The following AGAP1 variants were observed in gnomAD, a reference collection of about 807,000 sequenced individuals.
The protein encoded by AGAP1 is arf-GAP with GTPase, ANK repeat and PH domain-containing protein 1.
In AGAP1, 29 loss-of-function variants were observed where a neutral mutation model predicts 105.3. That is an observed-to-expected ratio of 0.28 (90% CI 0.21 to 0.38). AGAP1 has a LOEUF of 0.38. Ranked by LOEUF, AGAP1 falls within the 10% of genes least tolerant of loss-of-function variation. The probability of loss-of-function intolerance (pLI) is 1.00; values close to 1 mark genes in which losing one functional copy is unlikely to be tolerated. For synonymous variants in AGAP1, 509 were observed against 485.9 expected, an observed-to-expected ratio of 1.05 and a Z score of -0.63; for missense variants, 998 against 1,165.1, an observed-to-expected ratio of 0.86 and a Z score of 2.09.
chr2:235,671,023 C>G, intron 1 of AGAP1: 1 of 1,308,736 alleles, frequency 7.6e-7, no homozygotes, highest in Non-Finnish European at 9.7e-7. Context: ...CGCACTCGTC[C>G]AGCGCCGAGA....
Position 235,752,667 on chromosome 2 carries a change from T to A in AGAP1, c.673+2179T>A, listed in dbSNP as rs1390584026. Among the ~76,000 whole-genome samples, 1 of 152,190 alleles carries A rather than the reference T, an allele frequency of 6.6e-6. No homozygotes were observed. Among genetic ancestry groups the A allele is most frequent in the Non-Finnish European group, 1.5e-5 (1 of 68,026 alleles). ...GCAGGATATCAGGGACTCAGTTGTCTGGATAAGTTTAGTTTCCACAGTGAC... is the reference window on the plus strand; with the variant it reads ...GCAGGATATCAGGGACTCAGTTGTCAGGATAAGTTTAGTTTCCACAGTGAC... On this transcript the variant is annotated intron_variant, in intron 6 of 17. Coordinates refer to ENST00000304032, the MANE Select transcript of AGAP1 (RefSeq NM_001037131.3). This position sits in a 1 kb window ranked among gnomAD's most constrained non-coding sequence, Gnocchi z 4.3.
intron 1 of AGAP1, among the ~76,000 whole-genome samples, chr2:235,619,441 G>C (rs1056878333): frequency 6.7e-6 from 1 of 148,614 alleles, no homozygotes; most frequent in African/African-American, 2.5e-5. Context: ...TTCAATCCTG[G>C]GGCTGAAGTG....
intron 12 of AGAP1, among the ~76,000 whole-genome samples, chr2:235,948,423 G>A (rs989256838): frequency 6.6e-6 from 1 of 152,094 alleles, no homozygotes; most frequent in African/African-American, 2.4e-5. Flanking sequence ...GAGCTTCTGT[G>A]TTCCCCCCAC....
rs150880696 is a variant in AGAP1 at position 235,989,852 on chromosome 2, T to C, written c.1645+21229T>C. Among the ~76,000 whole-genome samples, 159 of 152,184 alleles carry C rather than the reference T, an allele frequency of 1.0e-3. No individual in the cohort carries two copies. The highest frequency in any genetic ancestry group is 3.6e-3 in the African/African-American group (148 of 41,536). ...GGACAGCCTCGGAAGAGGAAATCCA[T>C]GCGTCTTCCTTTTGCCCACAGGAGA... On this transcript the variant is annotated intron_variant, in intron 13 of 17. Coordinates refer to ENST00000304032, the MANE Select transcript of AGAP1 (RefSeq NM_001037131.3). The surrounding 1 kb of genome is among the most constrained non-coding windows in gnomAD (Gnocchi z 4.4).
chr2:235,988,249 G>T lies in AGAP1; in HGVS notation c.1645+19626G>T, dbSNP rs1050395389. Among the ~76,000 whole-genome samples the T allele has an allele frequency of 3.3e-5, 5 of 152,122 alleles. No individual in the cohort carries two copies. The highest frequency in any genetic ancestry group is 1.2e-4 in the African/African-American group (5 of 41,416). The stretch of plus-strand genomic sequence containing the variant: ...GTAGAGACAGGGCTTCACCCTGTTG[G>T]CCAGGCTGGTCTTGAACTCCTGACT... On this transcript the variant is annotated intron_variant, in intron 13 of 17. Transcript: ENST00000304032. The surrounding 1 kb of genome is among the most constrained non-coding windows in gnomAD (Gnocchi z 4.7).
Position 235,610,108 on chromosome 2 carries a change from G to A in AGAP1, c.164-99071G>A, listed in dbSNP as rs909572830. 2.0e-5 allele frequency among the ~76,000 whole-genome samples: 3 copies of A among 152,250 alleles called. No homozygotes were observed. The highest frequency in any genetic ancestry group is 2.0e-4 in the Admixed American group (3 of 15,304). On this transcript the variant is annotated intron_variant, in intron 1 of 17. Coordinates refer to ENST00000304032, the MANE Select transcript of AGAP1 (RefSeq NM_001037131.3). The surrounding 1 kb of genome is among the most constrained non-coding windows in gnomAD (Gnocchi z 4.9). ...CTTTTAGCTCCTAGTCACAGATATGGTGACAGGCTTGTCTCCACCATTGGA... is the reference window on the plus strand; with the variant it reads ...CTTTTAGCTCCTAGTCACAGATATGATGACAGGCTTGTCTCCACCATTGGA...
At position 236,012,691 on chromosome 2, in the gene AGAP1, G is replaced by T. The variant is rs958509431; in HGVS notation, c.1646-23870G>T. Among the ~76,000 whole-genome samples, 4 of 152,160 alleles carry T rather than the reference G, an allele frequency of 2.6e-5. No individual in the cohort carries two copies. Among genetic ancestry groups the T allele is most frequent in the African/African-American group, 9.7e-5 (4 of 41,432 alleles). ...TATAGACATAAAGAAGTCTTCACTT[G>T]TGAAAAATTAAATGTAGACCCGTAT... On this transcript the variant is annotated intron_variant, in intron 13 of 17. Transcript: ENST00000304032. The surrounding 1 kb of genome is among the most constrained non-coding windows in gnomAD (Gnocchi z 4.9).
intron 1 of AGAP1, among the ~76,000 whole-genome samples, chr2:235,696,985 CAA>C (rs548086109): frequency 7.0e-6 from 1 of 143,350 alleles, no homozygotes; most frequent in Admixed American, 7.0e-5. Context: ...GACTCGATCT[CAA>C]AAAAAAAAAG....
At chr2:235,920,220 C>T (rs1691362348) in intron 11 of AGAP1, among the ~76,000 whole-genome samples, 1 of 151,654 alleles carries the variant, frequency 6.6e-6, no homozygotes, top group African/African-American at 2.4e-5. Context: ...AGAATAAATA[C>T]TTACACTTAT....
Position 235,724,014 on chromosome 2 carries a change from T to G in AGAP1, c.310+6370T>G, listed in dbSNP as rs2149577475. On this transcript the variant is annotated intron_variant, in intron 3 of 17. Coordinates refer to ENST00000304032, the MANE Select transcript of AGAP1 (RefSeq NM_001037131.3). This position sits in a 1 kb window ranked among gnomAD's most constrained non-coding sequence, Gnocchi z 4.9. ...GAGGGTCAGTGGTGTCGTAGCCTGC[T>G]GCCGCCACACAGAGGGATTTGCAGG... 6.6e-6 allele frequency among the ~76,000 whole-genome samples: 1 copy of G among 152,282 alleles called. No individual in the cohort carries two copies. The highest frequency in any genetic ancestry group is 2.4e-5 in the African/African-American group (1 of 41,554).
At chr2:235,917,557 C>G (rs887240964) in intron 11 of AGAP1, among the ~76,000 whole-genome samples, 1 of 152,084 alleles carries the variant, frequency 6.6e-6, no homozygotes, top group Non-Finnish European at 1.5e-5. Context: ...AGGGAGCGCT[C>G]TCCGCCGTGA....
In AGAP1 at chr2:236,040,980, T is replaced by C; in HGVS notation, c.1891+139T>C. On this transcript the variant is annotated intron_variant, in intron 15 of 17. Transcript: ENST00000304032. This position sits in a 1 kb window ranked among gnomAD's most constrained non-coding sequence, Gnocchi z 5.6. ...AACTGCTTTTAGGAAATTGAGATAT[T>C]TTGTTTGGATTTTACCTTAACAGAG... 1 of 791,580 alleles carries C rather than the reference T, an allele frequency of 1.3e-6. No individual in the cohort carries two copies. 49.0% of individuals were successfully genotyped at this position (791,580 alleles called of 1,614,324 possible).
rs916772024 is a variant in AGAP1, at chr2:235,623,777, T to G, written c.164-85402T>G. ...AAGCCATTAATTTACATGTCAGATT[T>G]TTTTGAGTATTGTAGTTTTTTTCAA... On this transcript the variant is annotated intron_variant, in intron 1 of 17. Transcript: ENST00000304032. This position sits in a 1 kb window ranked among gnomAD's most constrained non-coding sequence, Gnocchi z 4.5. 6.6e-6 allele frequency among the ~76,000 whole-genome samples: 1 copy of G among 152,248 alleles called. No homozygotes were observed. The highest frequency in any genetic ancestry group is 2.4e-5 in the African/African-American group (1 of 41,466).
chr2:235,626,412 C>G (rs918589882), intron 1 of AGAP1, among the ~76,000 whole-genome samples: 1 of 152,126 alleles, frequency 6.6e-6, no homozygotes, highest in Non-Finnish European at 1.5e-5. Flanking sequence ...CTTGCTTGTT[C>G]CATTAATGGG....
At chr2:235,542,519 A>G (rs948468313) in intron 1 of AGAP1, among the ~76,000 whole-genome samples, 1 of 151,156 alleles carries the variant, frequency 6.6e-6, no homozygotes, top group Non-Finnish European at 1.5e-5. Context: ...ATTGTTAAAA[A>G]GGAAAAATCC....
Position 235,737,756 on chromosome 2 carries a change from G to A in AGAP1, c.311-3207G>A, listed in dbSNP as rs533342088. ...CTCCCCAAGTTCCCACTCCTGGAGA[G>A]GTAGGCAGCGAGGGACACTGGCGTT... On this transcript the variant is annotated intron_variant, in intron 3 of 17. Transcript: ENST00000304032. The surrounding 1 kb of genome is among the most constrained non-coding windows in gnomAD (Gnocchi z 4.5). Among the ~76,000 whole-genome samples, 4 of 152,246 alleles carry A rather than the reference G, an allele frequency of 2.6e-5. No homozygotes were observed. In the East Asian group the frequency reaches 7.7e-4, roughly 29 times the overall value.
intron 1 of AGAP1, among the ~76,000 whole-genome samples, chr2:235,530,983 A>G (rs984472042): frequency 6.6e-6 from 1 of 152,208 alleles, no homozygotes; most frequent in Non-Finnish European, 1.5e-5. Flanking sequence ...GTAGGGGGAC[A>G]CTGGCCAACC....
rs1262986330 is a variant in AGAP1 at position 235,659,344 on chromosome 2, T to G, written c.164-49835T>G. Among the ~76,000 whole-genome samples, 1 of 152,212 alleles carries G rather than the reference T, an allele frequency of 6.6e-6. No homozygotes were observed. Among genetic ancestry groups the G allele is most frequent in the Admixed American group, 6.5e-5 (1 of 15,284 alleles). ...GTAGAATGGATGAACTGAATTAACG[T>G]CTGAAGTGCCACAGTGTTGTATCTG... On this transcript the variant is annotated intron_variant, in intron 1 of 17. Coordinates refer to ENST00000304032, the MANE Select transcript of AGAP1 (RefSeq NM_001037131.3). The surrounding 1 kb of genome is among the most constrained non-coding windows in gnomAD (Gnocchi z 5.0).
rs776012091 is a variant in AGAP1, at chr2:236,036,814, G to A, written c.1800+99G>A. On this transcript the variant is annotated intron_variant, in intron 14 of 17. Transcript: ENST00000304032. The surrounding 1 kb of genome is among the most constrained non-coding windows in gnomAD (Gnocchi z 5.7). ...GGAGGAGAAAATAGAGGACCAGTGT[G>A]AATGACAGGACCTAGCTATTCTTTA... 7 of 1,513,208 alleles carry A rather than the reference G, an allele frequency of 4.6e-6. No homozygotes were observed. Among genetic ancestry groups the A allele is most frequent in the Non-Finnish European group, 6.2e-6 (7 of 1,130,702 alleles). The allele number at this position is 1,513,208 out of a possible 1,614,324, so 93.7% of individuals were successfully genotyped here. A position where few individuals can be genotyped will look rare whatever the true frequency, so the allele number is the denominator to read the frequency against.
Sources: gnomAD v4.1 joint callset for allele counts (sites outside exome capture counted in the v4.1 genomes callset) on GRCh38, gnomAD v4.1.1 for gene constraint, Gnocchi (gnomAD v3.1) non-coding constraint, MANE v1.5 for transcripts, NCBI Gene and HGNC (gene_info 2026-07-23, HGNC 2026-07-21) for gene names.